CENPU: variants seen among roughly 807,000 people sequenced by gnomAD.
CENPU encodes KSHV latent nuclear antigen interacting protein 1.
Under a neutral mutation model 56.7 loss-of-function variants are expected in CENPU, and 46 were observed. The ratio of observed to expected loss-of-function variants is 0.81; its 90% CI spans 0.64 to 1.04. The LOEUF is 1.04. Ranked by LOEUF, CENPU falls within the 50% of genes least tolerant of loss-of-function variation. The pLI is 0.00. For missense variants in CENPU, 510 were observed against 490.1 expected (o/e 1.04, Z -0.38); for synonymous variants, 166 against 163.0 (o/e 1.02, Z -0.14).
Position 184,731,594 on chromosome 4 carries a change from C to T in CENPU, c.48-626G>A, listed in dbSNP as rs73874442. On this transcript the variant is annotated intron_variant, in intron 1 of 12. Coordinates refer to ENST00000281453, the MANE Select transcript of CENPU (RefSeq NM_024629.4). ...AAATAACAGTGGCAGGATTATATAT[C>T]ATTATTACTAATAATAGTGCCAGCA... is the stretch of plus-strand genomic sequence containing the variant. Among the ~76,000 whole-genome samples, 1,104 of 152,272 alleles carry T rather than the reference C, an allele frequency of 7.3e-3. 15 individuals carry two copies. The highest frequency in any genetic ancestry group is 0.025 in the African/African-American group (1,047 of 41,554).
At chr4:184,733,419 GGCCTTGGATGGCCATTC>G (rs1279555806) in intron 1 of CENPU, 2 of 993,248 alleles carry the variant, frequency 2.0e-6, no homozygotes, top group African/African-American at 3.5e-5. Context: ...ATCCAGGCCG[GGCCTTGGATGGCCATTC>G]GCCAACGAAT....
rs7671400 is a variant in CENPU, at chr4:184,733,497, T to C, written c.47+519A>G. ...TTTGCAACCGACCAAACGCTCGCTT[T>C]CTTTGGTAAACAAAAACCGCTCGAG... On this transcript the variant is annotated intron_variant, in intron 1 of 12. Coordinates refer to ENST00000281453, the MANE Select transcript of CENPU (RefSeq NM_024629.4). 0.011 allele frequency: 9,096 copies of C among 856,790 alleles called. 650 individuals carry two copies. The African/African-American group carries it at 0.15, about 14-fold the overall frequency. The allele number at this position is 856,790 out of a possible 1,614,324, so 53.1% of individuals were successfully genotyped here. A position where few individuals can be genotyped will look rare whatever the true frequency, so the allele number is the denominator to read the frequency against.
chr4:184,714,390 T>TA (rs1229310982), intron 6 of CENPU, among the ~76,000 whole-genome samples: 1 of 152,070 alleles, frequency 6.6e-6, no homozygotes, highest in Non-Finnish European at 1.5e-5. Flanking sequence ...ATACTTTTCT[T>TA]AAAAAAACAA....
chr4:184,733,362 TA>T (rs1298502302), intron 1 of CENPU: 2 of 987,768 alleles, frequency 2.0e-6, no homozygotes, highest in Non-Finnish European at 2.4e-6. Context: ...CGTCTTGGCG[TA>T]TGGCTTTGTG....
Position 184,730,990 on chromosome 4 carries a change from CAA to C in CENPU, c.48-24_48-23del, listed in dbSNP as rs1761622121. On this transcript the variant is annotated intron_variant, in intron 1 of 12. Transcript: ENST00000281453. ...TGCGCTATTAAACAGCAAAAAAACA[CAA>C]GAGTTAGGAAATAGTTAAAATAACT... 3.2e-6 allele frequency: 5 copies of C among 1,545,002 alleles called. No individual in the cohort carries two copies. In the African/African-American group the frequency reaches 4.2e-5, roughly 13 times the overall value.
intron 8 of CENPU, among the ~76,000 whole-genome samples, chr4:184,706,555 G>A (rs1346465035): frequency 6.6e-6 from 1 of 152,150 alleles, no homozygotes; most frequent in East Asian, 1.9e-4. Flanking sequence ...GCATTTCATG[G>A]CATACTTCCC....
intron 2 of CENPU, among the ~76,000 whole-genome samples, chr4:184,729,904 C>T (rs1195745945): frequency 6.6e-6 from 1 of 152,134 alleles, no homozygotes; most frequent in African/African-American, 2.4e-5. Flanking sequence ...TTAACAGATA[C>T]AAAAATAAGA....
chr4:184,726,356 T>A (rs911961957), intron 3 of CENPU, among the ~76,000 whole-genome samples: 8 of 147,802 alleles, frequency 5.4e-5, no homozygotes, highest in Admixed American at 6.7e-5. Flanking sequence ...TAATCATACA[T>A]AAGAAGGTCA....
At chr4:184,697,841 A>G in intron 11 of CENPU, 38 bp from the exon 12 acceptor site, 1 of 1,538,114 alleles carries the variant, frequency 6.5e-7, no homozygotes, top group African/African-American at 1.4e-5. Context: ...AAAATGTACC[A>G]GCCTATCGTG....
intron 8 of CENPU, among the ~76,000 whole-genome samples, chr4:184,703,663 T>G (rs1406333264): frequency 1.3e-5 from 2 of 152,174 alleles, no homozygotes; most frequent in African/African-American, 4.8e-5. Context: ...CTCTTCTAGG[T>G]ACATACACAA....
intron 6 of CENPU, among the ~76,000 whole-genome samples, chr4:184,715,375 G>A (rs1579778822): frequency 6.6e-6 from 1 of 150,764 alleles, no homozygotes; most frequent in Non-Finnish European, 1.5e-5. Flanking sequence ...ACAGTGGCAC[G>A]GTCTCAGCTG....
intron 7 of CENPU, among the ~76,000 whole-genome samples, chr4:184,711,890 A>C (rs1347906155): frequency 2.6e-5 from 4 of 152,178 alleles, no homozygotes; most frequent in African/African-American, 7.2e-5. Flanking sequence ...TGGGAGGCCA[A>C]GGCAGGCGGA....
intron 4 of CENPU, among the ~76,000 whole-genome samples, chr4:184,719,991 T>C (rs1408663686): frequency 6.6e-6 from 1 of 152,018 alleles, no homozygotes; most frequent in Non-Finnish European, 1.5e-5. Context: ...TCCATAAGCA[T>C]CAAGACCATC....
At chr4:184,724,698 TA>T (rs1761397108) in intron 4 of CENPU, among the ~76,000 whole-genome samples, 1 of 152,232 alleles carries the variant, frequency 6.6e-6, no homozygotes, top group Non-Finnish European at 1.5e-5. Flanking sequence ...CCTCCTTTCT[TA>T]TTTGACTCAA....
intron 11 of CENPU, chr4:184,699,636 T>C: frequency 7.8e-7 from 1 of 1,285,838 alleles, no homozygotes; most frequent in South Asian, 1.2e-5. Flanking sequence ...AGACAACTGC[T>C]TTCTCCCACT....
chr4:184,733,676 C>T (rs1761737606), intron 1 of CENPU, among the ~76,000 whole-genome samples: 1 of 152,216 alleles, frequency 6.6e-6, no homozygotes. Context: ...CAAAGTCTGG[C>T]AAACCGCAGG....
At chr4:184,717,559 A>T (rs1391128168) in intron 4 of CENPU, among the ~76,000 whole-genome samples, 1 of 152,240 alleles carries the variant, frequency 6.6e-6, no homozygotes, top group African/African-American at 2.4e-5. Context: ...ACCTTCTTTT[A>T]TCCTTTAAAG....
At chr4:184,720,970 G>A (rs898175035) in intron 4 of CENPU, among the ~76,000 whole-genome samples, 3 of 151,952 alleles carry the variant, frequency 2.0e-5, no homozygotes, top group Non-Finnish European at 2.9e-5. Context: ...TGAAGTACAC[G>A]GAAAAAGATA....
At chr4:184,724,929 T>C (rs773824545) in intron 4 of CENPU, 28 bp downstream of exon 4, 2 of 1,399,676 alleles carry the variant, frequency 1.4e-6, no homozygotes, top group East Asian at 4.6e-5. Flanking sequence ...TAACCATGAA[T>C]AAACAATTGC....
Sources: gnomAD v4.1 joint callset for allele counts (sites outside exome capture counted in the v4.1 genomes callset) on GRCh38, gnomAD v4.1.1 for gene constraint, MANE v1.5 for transcripts, NCBI Gene and HGNC (gene_info 2026-07-23, HGNC 2026-07-21) for gene names.